Variants in ASAP1 observed in about 807,000 individuals in gnomAD.
ASAP1 encodes the protein ArfGAP with SH3 domain, ankyrin repeat and PH domain 1.
A neutral mutation model predicts 145.2 loss-of-function variants in ASAP1; 43 were observed. The observed-to-expected ratio is 0.30, with a 90% CI of 0.23 to 0.38. The LOEUF is 0.38. ASAP1 is among the 10% of genes least tolerant of loss of function. The pLI, the probability that ASAP1 is intolerant of heterozygous loss-of-function variation, is 1.00. For synonymous variants in ASAP1, 546 were observed against 515.5 expected (o/e 1.06, Z -0.80); for missense variants, 1,018 against 1,355.3 (o/e 0.75, Z 3.91).
intron 1 of ASAP1, among the ~76,000 whole-genome samples, chr8:130,434,885 T>C (rs886196635): frequency 3.3e-5 from 5 of 151,948 alleles, no homozygotes; most frequent in African/African-American, 1.2e-4. Flanking sequence ...CACCGAACAA[T>C]AGCCCCTTAG....
chr8:130,189,607 G>A (rs904098052), intron 5 of ASAP1, among the ~76,000 whole-genome samples: 1 of 152,154 alleles, frequency 6.6e-6, no homozygotes, highest in African/African-American at 2.4e-5. Context: ...ATAGTGCTCC[G>A]ATGAACATGA....
chr8:130,240,711 G>A (rs1198418568), intron 3 of ASAP1, among the ~76,000 whole-genome samples: 1 of 152,178 alleles, frequency 6.6e-6, no homozygotes, highest in East Asian at 1.9e-4. Flanking sequence ...AGAATGTAAA[G>A]TTGTGCCATA....
chr8:130,100,731 G>A (rs1169701408), intron 24 of ASAP1, among the ~76,000 whole-genome samples: 3 of 152,054 alleles, frequency 2.0e-5, no homozygotes, highest in Admixed American at 6.6e-5. Flanking sequence ...TGTATATTCC[G>A]GATATACAAG....
chr8:130,132,909 C>T (rs1456360195), intron 15 of ASAP1, among the ~76,000 whole-genome samples: 1 of 152,056 alleles, frequency 6.6e-6, no homozygotes, highest in Non-Finnish European at 1.5e-5. Flanking sequence ...TATCATTTCT[C>T]CTTTGAAATG....
At chr8:130,105,671 A>G (rs1212681612) in intron 24 of ASAP1, among the ~76,000 whole-genome samples, 1 of 152,238 alleles carries the variant, frequency 6.6e-6, no homozygotes, top group African/African-American at 2.4e-5. Context: ...GTATAATTAT[A>G]CAAAGAAGGA....
chr8:130,256,739 T>TATATTCATATA (rs1565142439), intron 3 of ASAP1, among the ~76,000 whole-genome samples: 1 of 95,904 alleles, frequency 1.0e-5, no homozygotes, highest in Non-Finnish European at 2.0e-5. Flanking sequence ...ATACACATTC[T>TATATTCATATA]TATATATATA....
intron 3 of ASAP1, among the ~76,000 whole-genome samples, chr8:130,299,760 TAAC>T (rs1034082592): frequency 2.0e-5 from 3 of 152,114 alleles, no homozygotes; most frequent in Non-Finnish European, 4.4e-5. Context: ...TCCAAAGGAA[TAAC>T]AACAAAGGCA....
At chr8:130,067,682 T>G (rs1302285947) in intron 27 of ASAP1, among the ~76,000 whole-genome samples, 1 of 152,204 alleles carries the variant, frequency 6.6e-6, no homozygotes, top group Non-Finnish European at 1.5e-5. Context: ...ATTACAGGTG[T>G]GAGCCACCGT....
At chr8:130,349,433 C>T (rs1825872159) in intron 3 of ASAP1, among the ~76,000 whole-genome samples, 1 of 152,116 alleles carries the variant, frequency 6.6e-6, no homozygotes, top group South Asian at 2.1e-4. Context: ...ATAATAAGAA[C>T]AATCATTTAT....
chr8:130,397,540 G>C (rs552788386), intron 2 of ASAP1, among the ~76,000 whole-genome samples: 1 of 152,312 alleles, frequency 6.6e-6, no homozygotes, highest in East Asian at 1.9e-4. Context: ...TCACAAGGGC[G>C]AGCACTTGCC....
chr8:130,352,199 ATCCT>A (rs1826034500), intron 3 of ASAP1, among the ~76,000 whole-genome samples: 1 of 146,670 alleles, frequency 6.8e-6, no homozygotes, highest in African/African-American at 2.6e-5. Flanking sequence ...TTTTAGCTAA[ATCCT>A]TCCTAAGGGT....
intron 3 of ASAP1, among the ~76,000 whole-genome samples, chr8:130,257,655 G>T (rs1819642300): frequency 6.6e-6 from 1 of 151,866 alleles, no homozygotes. Context: ...GGTAAATTTG[G>T]GAAATACTCC....
chr8:130,159,313 A>C (rs1460017954), intron 12 of ASAP1, among the ~76,000 whole-genome samples: 1 of 151,980 alleles, frequency 6.6e-6, no homozygotes, highest in Non-Finnish European at 1.5e-5. Flanking sequence ...ACAGGCAGAG[A>C]AAACTGCAGT....
At chr8:130,118,884 T>C in intron 18 of ASAP1, 1 of 302,820 alleles carries the variant, frequency 3.3e-6, no homozygotes, top group Non-Finnish European at 6.0e-6. Context: ...AAGTAATAGA[T>C]ATAGTTACAA....
intron 28 of ASAP1, among the ~76,000 whole-genome samples, chr8:130,058,878 G>A (rs892859749): frequency 3.9e-5 from 6 of 152,158 alleles, no homozygotes; most frequent in Non-Finnish European, 5.9e-5. Context: ...TGGGCCGTGC[G>A]GGTGGGTTGG....
chr8:130,330,102 C>T (rs1824586756), intron 3 of ASAP1, among the ~76,000 whole-genome samples: 2 of 152,218 alleles, frequency 1.3e-5, no homozygotes, highest in Admixed American at 1.3e-4. Flanking sequence ...CTCCCACACA[C>T]GTCCCCAACA....
At chr8:130,161,802 A>G (rs1471165227) in intron 11 of ASAP1, among the ~76,000 whole-genome samples, 1 of 152,140 alleles carries the variant, frequency 6.6e-6, no homozygotes, top group African/African-American at 2.4e-5. Context: ...AAAAATACAT[A>G]TGTATATATT....
At chr8:130,380,292 G>A (rs1827706802) in intron 2 of ASAP1, among the ~76,000 whole-genome samples, 1 of 152,218 alleles carries the variant, frequency 6.6e-6, no homozygotes, top group South Asian at 2.1e-4. Context: ...TCAGAGCTGT[G>A]CACCTGAGAA....
intron 24 of ASAP1, among the ~76,000 whole-genome samples, chr8:130,105,272 A>T (rs2097535057): frequency 6.6e-6 from 1 of 152,224 alleles, no homozygotes; most frequent in Non-Finnish European, 1.5e-5. Flanking sequence ...TAGCATTTAC[A>T]TTGTAGTAGG....
Sources: gnomAD v4.1 joint callset for allele counts (sites outside exome capture counted in the v4.1 genomes callset) on GRCh38, gnomAD v4.1.1 for gene constraint, MANE v1.5 for transcripts, NCBI Gene and HGNC (gene_info 2026-07-23, HGNC 2026-07-21) for gene names.